Variants in GOLGA5 observed in about 807,000 individuals in gnomAD.
GOLGA5 encodes the protein golgin A5.
A neutral mutation model predicts 93.5 loss-of-function variants in GOLGA5; 50 were observed. That is an observed-to-expected ratio of 0.53 (90% CI 0.43 to 0.68). The LOEUF (loss-of-function observed/expected upper bound fraction) is 0.68. Ranked by LOEUF, GOLGA5 falls within the 30% of genes least tolerant of loss-of-function variation. GOLGA5 has a pLI of 0.00. For missense variants in GOLGA5, 760 were observed against 856.4 expected, an observed-to-expected ratio of 0.89 and a Z score of 1.40; for synonymous variants, 312 against 304.5, an observed-to-expected ratio of 1.02 and a Z score of -0.26.
chr14:92,826,712 G>GA (rs888851958), intron 9 of GOLGA5, among the ~76,000 whole-genome samples: 2 of 146,768 alleles, frequency 1.4e-5, no homozygotes, highest in African/African-American at 5.0e-5. Flanking sequence ...AAAAAAAAAA[G>GA]AAAAAAAAGA....
intron 10 of GOLGA5, among the ~76,000 whole-genome samples, chr14:92,834,191 TTTTTA>T (rs1429933493): frequency 1.8e-4 from 25 of 141,866 alleles, no homozygotes; most frequent in African/African-American, 3.9e-4. Context: ...CACCTTTTTT[TTTTTA>T]TTTTATTTTT....
At chr14:92,798,628 G>C (rs1162260426) in intron 2 of GOLGA5, among the ~76,000 whole-genome samples, 2 of 152,234 alleles carry the variant, frequency 1.3e-5, no homozygotes, top group African/African-American at 2.4e-5. Flanking sequence ...TTTTAAAATA[G>C]CTATAGGCTG....
intron 12 of GOLGA5, 99 bp downstream of exon 12, chr14:92,837,548 T>G: frequency 1.5e-6 from 1 of 682,368 alleles, no homozygotes; most frequent in Non-Finnish European, 2.6e-6. Context: ...TTATTGATAT[T>G]TTAGCAATCA....
chr14:92,824,294 G>A (rs954998007), intron 8 of GOLGA5, among the ~76,000 whole-genome samples: 4 of 152,010 alleles, frequency 2.6e-5, no homozygotes, highest in Non-Finnish European at 5.9e-5. Context: ...TATTTACACT[G>A]TTAATAATTA....
At position 92,817,446 on chromosome 14, in the gene GOLGA5, A is replaced by G. The variant is rs532421015; in HGVS notation, c.1491+1025A>G. On this transcript the variant is annotated intron_variant, in intron 7 of 12. Coordinates refer to ENST00000163416, the MANE Select transcript of GOLGA5 (RefSeq NM_005113.4). ...AGCTGAGATGTTTTCTAATATTAGT[A>G]TGGGCTCAGGGATGATCTTCTAATT... Among the ~76,000 whole-genome samples, 31 of 152,310 alleles carry G rather than the reference A, an allele frequency of 2.0e-4. No homozygotes were observed. The South Asian group carries it at 6.0e-3, about 30-fold the overall frequency.
intron 6 of GOLGA5, among the ~76,000 whole-genome samples, chr14:92,814,427 A>G (rs1470138709): frequency 6.6e-6 from 1 of 152,172 alleles, no homozygotes; most frequent in Non-Finnish European, 1.5e-5. Context: ...GGACTTGGCA[A>G]CTAGGAGGTC....
chr14:92,839,719 G>T lies in GOLGA5; in HGVS notation c.*273G>T. 2.0e-6 allele frequency: 1 copy of T among 496,268 alleles called. No individual in the cohort carries two copies. The highest frequency in any genetic ancestry group is 3.6e-6 in the Non-Finnish European group (1 of 278,056). The allele number at this position is 496,268 out of a possible 1,614,324, so 30.7% of individuals were successfully genotyped here. On this transcript the variant is annotated 3_prime_UTR_variant, in exon 13 of 13. Coordinates refer to ENST00000163416, the MANE Select transcript of GOLGA5 (RefSeq NM_005113.4). ...TATATATGTAGAGAAAGATGGTGGG[G>T]TTGTTCACCTCTGTACAGACCATCT...
At chr14:92,806,706 T>G (rs1289769177) in intron 2 of GOLGA5, 30 bp from the exon 3 acceptor site, 1 of 1,475,106 alleles carries the variant, frequency 6.8e-7, no homozygotes, top group Admixed American at 1.7e-5. Flanking sequence ...AACACGCCAA[T>G]GTAACAAAAA....
chr14:92,818,949 G>C (rs1352595666), intron 7 of GOLGA5, among the ~76,000 whole-genome samples: 1 of 152,090 alleles, frequency 6.6e-6, no homozygotes, highest in Non-Finnish European at 1.5e-5. Flanking sequence ...TAGTAATAAA[G>C]TAATAAAGCT....
At chr14:92,795,048 C>T (rs141556603) in intron 1 of GOLGA5, among the ~76,000 whole-genome samples, 249 of 151,872 alleles carry the variant, frequency 1.6e-3, no homozygotes, top group African/African-American at 5.7e-3. Context: ...TTTTAAAGCC[C>T]AATTAATTTT....
chr14:92,806,658 G>A, intron 2 of GOLGA5, 78 bp from the exon 3 acceptor site: 1 of 934,528 alleles, frequency 1.1e-6, no homozygotes, highest in Non-Finnish European at 1.7e-6. Flanking sequence ...GTCAACTTGA[G>A]CATCCTACCA....
intron 7 of GOLGA5, among the ~76,000 whole-genome samples, chr14:92,819,502 A>G (rs1470483054): frequency 2.0e-5 from 3 of 151,138 alleles, no homozygotes; most frequent in Middle Eastern, 3.5e-3. Flanking sequence ...GCCTCGTGGC[A>G]TGTGCCTGTA....
At chr14:92,795,429 A>G (rs995896622) in intron 1 of GOLGA5, among the ~76,000 whole-genome samples, 1 of 151,006 alleles carries the variant, frequency 6.6e-6, no homozygotes, top group Non-Finnish European at 1.5e-5. Context: ...TAGGTTTGGC[A>G]CTAGGGTAAC....
intron 1 of GOLGA5, among the ~76,000 whole-genome samples, chr14:92,796,766 C>G (rs1401815152): frequency 7.9e-6 from 1 of 126,296 alleles, no homozygotes; most frequent in East Asian, 2.4e-4. Context: ...GTCAGGAGAT[C>G]GAGACCATCC....
chr14:92,812,785 C>G lies in GOLGA5; in HGVS notation c.1320+1031C>G, dbSNP rs544730455. Reference sequence around the variant, plus strand: ...TCCTCTTCTACTGCTGTTTCTGTCTCTCTTGGGCGCTCTTCCCAATCTCCA... The same window carrying G: ...TCCTCTTCTACTGCTGTTTCTGTCTGTCTTGGGCGCTCTTCCCAATCTCCA... On this transcript the variant is annotated intron_variant, in intron 6 of 12. Transcript: ENST00000163416. Among the ~76,000 whole-genome samples the G allele has an allele frequency of 3.3e-5, 5 of 152,312 alleles. 1 individual carries two copies. The highest frequency in any genetic ancestry group is 3.3e-4 in the Admixed American group (5 of 15,300).
intron 8 of GOLGA5, among the ~76,000 whole-genome samples, chr14:92,821,949 C>T (rs1885325249): frequency 6.6e-6 from 1 of 152,066 alleles, no homozygotes; most frequent in Non-Finnish European, 1.5e-5. Context: ...ATGGTTTTAC[C>T]GTACCTCTTC....
intron 10 of GOLGA5, among the ~76,000 whole-genome samples, 181 bp from the exon 11 acceptor site, chr14:92,835,378 G>A (rs1421324250): frequency 6.6e-6 from 1 of 152,126 alleles, no homozygotes; most frequent in Admixed American, 6.5e-5. Context: ...GGATATGGAT[G>A]TTTAAATATT....
intron 12 of GOLGA5, among the ~76,000 whole-genome samples, chr14:92,838,133 G>GA (rs1885684625): frequency 6.6e-6 from 1 of 152,134 alleles, no homozygotes; most frequent in Non-Finnish European, 1.5e-5. Flanking sequence ...AGAGCCTCAA[G>GA]ATTGATTTAC....
At position 92,833,234 on chromosome 14, in the gene GOLGA5, A is replaced by C; in HGVS notation, c.1832A>C (p.Glu611Ala). The C allele has an allele frequency of 3.1e-6, 5 of 1,613,790 alleles. No homozygotes were observed. Among genetic ancestry groups the C allele is most frequent in the Non-Finnish European group, 4.2e-6 (5 of 1,179,668 alleles). Reference sequence around the variant, plus strand: ...ACCATGCTGGAGAGTCTCAGCACAGAAAAGAACTCCCTGGTCTTTCAACTG... The same window carrying C: ...ACCATGCTGGAGAGTCTCAGCACAGCAAAGAACTCCCTGGTCTTTCAACTG... ...KQTMLESLST[E>A]KNSLVFQLER... Residue 611 changes from glutamate to alanine, a missense_variant, in exon 10 of 13, where the codon GAA becomes GCA. By Grantham distance (107) the Glu-to-Ala change is moderately radical. Coordinates refer to ENST00000163416, the MANE Select transcript of GOLGA5 (RefSeq NM_005113.4).
Sources: allele counts gnomAD v4.1 joint callset (sites outside exome capture counted in the v4.1 genomes callset), GRCh38; gene constraint gnomAD v4.1.1; transcripts MANE v1.5; gene names NCBI Gene and HGNC (gene_info 2026-07-23, HGNC 2026-07-21).